The following EYS variants were observed in gnomAD, a reference collection of about 807,000 sequenced individuals.
EYS encodes the protein protein eyes shut homolog.
EYS carries 250 observed loss-of-function variants against 282.1 expected under a neutral mutation model. The observed-to-expected ratio is 0.89, with a 90% CI of 0.80 to 0.98. The LOEUF (loss-of-function observed/expected upper bound fraction) is 0.98. Among genes scored for constraint, EYS ranks in the 50% least tolerant of loss-of-function variants. EYS has a pLI of 0.00. For missense variants in EYS, 4,016 were observed against 3,709.0 expected (o/e 1.08, Z -2.15); for synonymous variants, 1,355 against 1,282.9 (o/e 1.06, Z -1.20).
chr6:65,252,046 G>A (rs780598795), intron 12 of EYS, among the ~76,000 whole-genome samples: 27 of 151,976 alleles, frequency 1.8e-4, no homozygotes, highest in Non-Finnish European at 2.9e-4. Context: ...GGGTAGGGGC[G>A]ACTCCTATTG....
At chr6:64,998,612 A>G (rs781276266) in intron 13 of EYS, among the ~76,000 whole-genome samples, 13 of 152,234 alleles carry the variant, frequency 8.5e-5, no homozygotes, top group Non-Finnish European at 1.8e-4. Context: ...ACACAAGAAT[A>G]GGCAGCTCCT....
intron 1 of EYS, among the ~76,000 whole-genome samples, chr6:65,677,030 T>A (rs1582592171): frequency 2.1e-5 from 2 of 93,980 alleles, no homozygotes; most frequent in Admixed American, 1.2e-4. Flanking sequence ...TTAAAAAAAC[T>A]AGAAATTGAA....
intron 33 of EYS, among the ~76,000 whole-genome samples, chr6:64,058,072 C>G (rs1242645819): frequency 1.3e-5 from 2 of 152,100 alleles, no homozygotes; most frequent in African/African-American, 4.8e-5. Flanking sequence ...GGGAGAGACC[C>G]AGTGGGAGGG....
chr6:64,520,743 C>A (rs1444291658), intron 26 of EYS, among the ~76,000 whole-genome samples: 1 of 151,572 alleles, frequency 6.6e-6, no homozygotes, highest in Admixed American at 6.6e-5. Context: ...TCCAGTGAAC[C>A]ACTTAGCTTT....
chr6:65,063,247 T>C (rs1174602644), intron 12 of EYS, among the ~76,000 whole-genome samples: 1 of 152,046 alleles, frequency 6.6e-6, no homozygotes, highest in Non-Finnish European at 1.5e-5. Flanking sequence ...TTATTATTAA[T>C]GTAGAGGTGG....
At chr6:65,096,306 G>C (rs1774737895) in intron 12 of EYS, among the ~76,000 whole-genome samples, 1 of 150,486 alleles carries the variant, frequency 6.6e-6, no homozygotes, top group Admixed American at 6.6e-5. Context: ...TTAAAGACTT[G>C]TACACTAAAA....
chr6:65,392,093 G>T (rs1429672550), intron 7 of EYS, among the ~76,000 whole-genome samples: 1 of 152,062 alleles, frequency 6.6e-6, no homozygotes. Flanking sequence ...TTTAATAAAT[G>T]GTGCTGGGGA....
At chr6:64,249,063 C>CA (rs34663169) in intron 30 of EYS, among the ~76,000 whole-genome samples, 23,231 of 69,876 alleles carry the variant, frequency 0.33, 3,547 homozygotes, top group East Asian at 0.47. Context: ...CACCCTGTCT[C>CA]AAAAAAAAAA....
intron 13 of EYS, among the ~76,000 whole-genome samples, chr6:65,016,943 C>A (rs1772076029): frequency 6.6e-6 from 1 of 152,078 alleles, no homozygotes; most frequent in Non-Finnish European, 1.5e-5. Context: ...CTTTAAGGGA[C>A]ATTAAGTGGT....
intron 41 of EYS, among the ~76,000 whole-genome samples, chr6:63,757,172 A>G (rs1191326911): frequency 6.6e-6 from 1 of 152,020 alleles, no homozygotes; most frequent in Non-Finnish European, 1.5e-5. Flanking sequence ...TTCTTTTCCT[A>G]GCAAGGAATG....
At chr6:65,118,037 G>C (rs1288205934) in intron 12 of EYS, among the ~76,000 whole-genome samples, 1 of 152,182 alleles carries the variant, frequency 6.6e-6, no homozygotes, top group East Asian at 1.9e-4. Flanking sequence ...AGGAAGAATG[G>C]GGAAGGATTG....
chr6:64,026,000 T>A (rs916527058), intron 33 of EYS, among the ~76,000 whole-genome samples: 1 of 152,192 alleles, frequency 6.6e-6, no homozygotes, highest in African/African-American at 2.4e-5. Context: ...GGGTGCAGGT[T>A]TTTTAGAATG....
chr6:64,346,899 A>C (rs1166362972), intron 29 of EYS, among the ~76,000 whole-genome samples: 2 of 151,436 alleles, frequency 1.3e-5, no homozygotes, highest in Non-Finnish European at 3.0e-5. Flanking sequence ...TATATGTATC[A>C]CTATAAGCTC....
intron 15 of EYS, among the ~76,000 whole-genome samples, chr6:64,929,274 C>A (rs1485755516): frequency 6.6e-6 from 1 of 152,050 alleles, no homozygotes. Flanking sequence ...ATTGTCCCGG[C>A]AAAGTAATAC....
At chr6:64,547,977 C>A (rs371841844) in intron 26 of EYS, among the ~76,000 whole-genome samples, 1 of 152,200 alleles carries the variant, frequency 6.6e-6, no homozygotes, top group Non-Finnish European at 1.5e-5. Flanking sequence ...GCTCCAAGTG[C>A]GGGACCAGCC....
chr6:65,198,800 G>A (rs919681881), intron 12 of EYS, among the ~76,000 whole-genome samples: 9 of 152,054 alleles, frequency 5.9e-5, no homozygotes, highest in African/African-American at 1.9e-4. Flanking sequence ...CAGATTAGGT[G>A]GTAACCTTGA....
At chr6:65,150,225 T>A (rs1016631332) in intron 12 of EYS, among the ~76,000 whole-genome samples, 7 of 152,112 alleles carry the variant, frequency 4.6e-5, no homozygotes, top group Non-Finnish European at 1.0e-4. Flanking sequence ...TATTTCTTTT[T>A]ATATTATTTT....
chr6:64,847,763 T>C (rs1464074219), intron 19 of EYS, among the ~76,000 whole-genome samples: 1 of 152,058 alleles, frequency 6.6e-6, no homozygotes, highest in African/African-American at 2.4e-5. Flanking sequence ...TTCCAGTTAT[T>C]TTCCCTTTTC....
intron 12 of EYS, among the ~76,000 whole-genome samples, chr6:65,293,179 T>C (rs1351166116): frequency 7.3e-5 from 11 of 151,478 alleles, no homozygotes; most frequent in Non-Finnish European, 4.4e-5. Context: ...ACGATAAACT[T>C]GCATGGTCTT....
Sources: gnomAD v4.1 joint callset for allele counts (sites outside exome capture counted in the v4.1 genomes callset) on GRCh38, gnomAD v4.1.1 for gene constraint, MANE v1.5 for transcripts, NCBI Gene and HGNC (gene_info 2026-07-23, HGNC 2026-07-21) for gene names.